NDUFAF6: variants seen among roughly 807,000 people sequenced by gnomAD.
NDUFAF6 encodes the protein NADH dehydrogenase (ubiquinone) complex I, assembly factor 6.
Under a neutral mutation model 40.8 loss-of-function variants are expected in NDUFAF6, and 45 were observed. The ratio of observed to expected loss-of-function variants is 1.10; its 90% CI spans 0.87 to 1.42. The LOEUF (loss-of-function observed/expected upper bound fraction) is 1.42, where lower values mean the gene tolerates loss of function less well. NDUFAF6 is among the 40% of genes most tolerant of loss of function. NDUFAF6 has a pLI of 0.00. For missense variants in NDUFAF6, 435 were observed against 418.5 expected (o/e 1.04, Z -0.34); for synonymous variants, 185 against 155.9 (o/e 1.19, Z -1.39).
chr8:94,916,909 T>G (rs1819170755), intron 1 of NDUFAF6, among the ~76,000 whole-genome samples: 1 of 149,002 alleles, frequency 6.7e-6, no homozygotes, highest in Admixed American at 6.7e-5. Context: ...GGTCAGGAGA[T>G]CAAGACCATC....
chr8:95,036,380 C>G, intron 3 of NDUFAF6: 1 of 1,289,412 alleles, frequency 7.8e-7, no homozygotes, highest in Non-Finnish European at 1.0e-6. Context: ...GGTCTGCACA[C>G]CAGCAGAGGC....
chr8:94,946,544 T>C (rs1477688822), intron 2 of NDUFAF6, among the ~76,000 whole-genome samples: 2 of 150,692 alleles, frequency 1.3e-5, no homozygotes, highest in Non-Finnish European at 3.0e-5. Context: ...CTACAAAAAA[T>C]AAATTAGCTG....
At chr8:94,971,335 A>G (rs1824443580) in intron 1 of NDUFAF6, among the ~76,000 whole-genome samples, 2 of 150,046 alleles carry the variant, frequency 1.3e-5, no homozygotes, top group Admixed American at 1.3e-4. Flanking sequence ...TAGAATTCAT[A>G]GAGTGAAGCT....
At chr8:95,098,377 G>T (rs1809537281), upstream of NDUFAF6, among the ~76,000 whole-genome samples, 1 of 150,990 alleles carries the variant, frequency 6.6e-6, no homozygotes. Flanking sequence ...TACTAAAAAT[G>T]TATGTCTTGG....
intron 2 of NDUFAF6, among the ~76,000 whole-genome samples, chr8:95,033,198 G>A (rs1306471737): frequency 6.6e-6 from 1 of 151,978 alleles, no homozygotes; most frequent in Non-Finnish European, 1.5e-5. Flanking sequence ...GTGCCACTAT[G>A]CCTGGCTAAT....
chr8:94,979,913 G>A (rs1402379992), intron 1 of NDUFAF6, among the ~76,000 whole-genome samples: 1 of 152,126 alleles, frequency 6.6e-6, no homozygotes, highest in Non-Finnish European at 1.5e-5. Flanking sequence ...TGGCCAACAT[G>A]GCAAAAACCT....
rs1436277940 is a variant in NDUFAF6 at position 95,001,259 on chromosome 8, T to C, written c.-84+20286T>C. Among the ~76,000 whole-genome samples the C allele has an allele frequency of 2.0e-5, 3 of 152,224 alleles. No individual in the cohort carries two copies. In the South Asian group the frequency reaches 6.2e-4, roughly 32 times the overall value. ...GTGAACCACTGTGCCTGGCCCTCCTTATCTTTTTTTGGATAAAGTTTCTGT... is the reference window on the plus strand; with the variant it reads ...GTGAACCACTGTGCCTGGCCCTCCTCATCTTTTTTTGGATAAAGTTTCTGT... On this transcript the variant is annotated intron_variant, in intron 2 of 9. Transcript: ENST00000396111.
At chr8:95,020,487 G>C (rs1827647345), upstream of NDUFAF6, among the ~76,000 whole-genome samples, 1 of 152,130 alleles carries the variant, frequency 6.6e-6, no homozygotes, top group Admixed American at 6.5e-5. Flanking sequence ...TCCCCATCTG[G>C]GCTGAGGCAG....
At chr8:95,035,407 AG>A (rs1829376578) in intron 2 of NDUFAF6, 46 bp from the exon 3 acceptor site, 6 of 1,604,404 alleles carry the variant, frequency 3.7e-6, no homozygotes, top group Non-Finnish European at 5.1e-6. Flanking sequence ...CTGATTTTTT[AG>A]ACAGTAGACA....
intron 2 of NDUFAF6, 106 bp downstream of exon 2, chr8:95,032,200 T>C (rs1828934962): frequency 2.1e-6 from 2 of 966,308 alleles, no homozygotes; most frequent in Non-Finnish European, 3.3e-6. Flanking sequence ...TAGATGTGTT[T>C]AAGGTCTCTG....
At chr8:95,114,031 A>G (rs1810072771) in intron 4 of NDUFAF6, among the ~76,000 whole-genome samples, 1 of 149,492 alleles carries the variant, frequency 6.7e-6, no homozygotes, top group South Asian at 2.2e-4. Context: ...GGGGAGGGAT[A>G]GCATTGGGAG....
chr8:95,087,558 C>G (rs563628898), intron 2 of NDUFAF6: 4 of 152,356 alleles, frequency 2.6e-5, no homozygotes, highest in African/African-American at 7.2e-5. Flanking sequence ...TTCCATACAG[C>G]CAACTCTATT....
chr8:95,100,206 C>A (rs1372047237), upstream of NDUFAF6, among the ~76,000 whole-genome samples: 4 of 151,530 alleles, frequency 2.6e-5, no homozygotes, highest in Non-Finnish European at 5.9e-5. Flanking sequence ...AATGAGGATA[C>A]CCGTAAGAAT....
chr8:94,981,956 G>A (rs1288065364), intron 2 of NDUFAF6, among the ~76,000 whole-genome samples: 23 of 151,370 alleles, frequency 1.5e-4, no homozygotes, highest in South Asian at 4.2e-4. Context: ...TTGGCCAGGC[G>A]CGGTGGCTCA....
At chr8:94,910,756 G>A (rs923690859) in intron 1 of NDUFAF6, among the ~76,000 whole-genome samples, 1 of 152,000 alleles carries the variant, frequency 6.6e-6, no homozygotes, top group Non-Finnish European at 1.5e-5. Flanking sequence ...TGAAAATCAG[G>A]GTTCCAATTT....
intron 2 of NDUFAF6, chr8:94,949,535 C>G (rs1469604727): frequency 6.6e-6 from 1 of 152,048 alleles, no homozygotes; most frequent in Non-Finnish European, 1.5e-5. Flanking sequence ...GCGGCGCGCT[C>G]AGCTCCGAAA....
Position 94,913,185 on chromosome 8 carries a change from G to A in NDUFAF6, c.-936+17258G>A, listed in dbSNP as rs185138733. On this transcript the variant is annotated intron_variant, in intron 1 of 14. Coordinates refer to the NDUFAF6 transcript ENST00000396113. ...TACATCCTAGAGGAGAGTAACATCA[G>A]TGCCTGTCCCAGCAGTAGGCTGGCA... Among the ~76,000 whole-genome samples, 1,019 of 152,308 alleles carry A rather than the reference G, an allele frequency of 6.7e-3. 12 individuals are homozygous for A. The highest frequency in any genetic ancestry group is 0.023 in the African/African-American group (968 of 41,552).
chr8:95,037,649 AT>A (rs1328694059), intron 3 of NDUFAF6, among the ~76,000 whole-genome samples: 2 of 152,176 alleles, frequency 1.3e-5, no homozygotes, highest in East Asian at 3.8e-4. Flanking sequence ...TCTGTTCTCC[AT>A]ACATACACCT....
At chr8:94,918,746 A>G (rs189594786) in intron 1 of NDUFAF6, among the ~76,000 whole-genome samples, 417 of 152,120 alleles carry the variant, frequency 2.7e-3, no homozygotes, top group Non-Finnish European at 5.0e-3. Flanking sequence ...CACCCCAATC[A>G]CACTCTTCAA....
Sources: gnomAD v4.1 joint callset for allele counts (sites outside exome capture counted in the v4.1 genomes callset) on GRCh38, gnomAD v4.1.1 for gene constraint, MANE v1.5 for transcripts, NCBI Gene and HGNC (gene_info 2026-07-23, HGNC 2026-07-21) for gene names.